The following ALPK1 variants were observed in gnomAD, a reference collection of about 807,000 sequenced individuals.
ALPK1 encodes alpha kinase 1, also known as alpha-protein kinase 1.
ALPK1 carries 110 observed loss-of-function variants against 120.6 expected under a neutral mutation model. The ratio of observed to expected loss-of-function variants is 0.91; its 90% confidence interval spans 0.78 to 1.07. The LOEUF is 1.07. Ranked by LOEUF, ALPK1 falls within the 50% of genes least tolerant of loss-of-function variation. ALPK1 has a pLI of 0.00. For missense variants in ALPK1, 1,498 were observed against 1,483.9 expected, an observed-to-expected ratio of 1.01 and a Z score of -0.16; for synonymous variants, 582 against 560.3, an observed-to-expected ratio of 1.04 and a Z score of -0.55.
In ALPK1 at chr4:112,431,110, C is replaced by G. The variant is rs556970302; in HGVS notation, c.1563C>G (p.Ser521=). Residue 521 remains serine, a synonymous_variant, in exon 11 of 16, where the codon TCC becomes TCG. Coordinates refer to ENST00000650871, the MANE Select transcript of ALPK1 (RefSeq NM_025144.4). ...HCQRDTGISS[S]LMGKNVQREL... is the part of the protein sequence containing the mutation. ...AAAGAGACACAGGAATATCTTCCTC[C>G]CTAATGGGTAAGAATGTTCAGAGGG... The G allele has an allele frequency of 2.3e-5, 37 of 1,614,120 alleles. No homozygotes were observed. In the South Asian group the frequency reaches 3.7e-4, roughly 16 times the overall value.
At chr4:112,339,341 A>G (rs969561865) in intron 2 of ALPK1, among the ~76,000 whole-genome samples, 3 of 152,254 alleles carry the variant, frequency 2.0e-5, no homozygotes, top group African/African-American at 7.2e-5. Context: ...TTGCTTTGAT[A>G]TCATAGGACA....
intron 10 of ALPK1, 108 bp downstream of exon 10, chr4:112,429,361 C>T: frequency 1.2e-6 from 1 of 852,920 alleles, no homozygotes; most frequent in Non-Finnish European, 1.8e-6. Flanking sequence ...GGCTTTGTGT[C>T]TCATCAGTGG....
intron 2 of ALPK1, among the ~76,000 whole-genome samples, chr4:112,334,127 T>G (rs957343207): frequency 1.3e-5 from 2 of 152,032 alleles, no homozygotes; most frequent in African/African-American, 4.8e-5. Flanking sequence ...TATCACAAAT[T>G]TCCTGAAGAA....
chr4:112,440,036 A>G (rs1324990837), intron 14 of ALPK1, among the ~76,000 whole-genome samples, 164 bp downstream of exon 14: 1 of 152,232 alleles, frequency 6.6e-6, no homozygotes, highest in African/African-American at 2.4e-5. Context: ...TTCCTGAAAG[A>G]AAAATATGCC....
intron 1 of ALPK1, among the ~76,000 whole-genome samples, chr4:112,299,035 G>A (rs1191985735): frequency 6.6e-6 from 1 of 152,056 alleles, no homozygotes; most frequent in Non-Finnish European, 1.5e-5. Flanking sequence ...AACTCTTAAA[G>A]GAATGAGCAT....
intron 2 of ALPK1, among the ~76,000 whole-genome samples, chr4:112,372,190 A>G (rs1731442048): frequency 6.6e-6 from 1 of 151,486 alleles, no homozygotes; most frequent in Non-Finnish European, 1.5e-5. Flanking sequence ...ATTTGTCAAT[A>G]TAAAGAAAAC....
At chr4:112,359,199 G>C in intron 2 of ALPK1, 1 of 599,944 alleles carries the variant, frequency 1.7e-6, no homozygotes, top group Non-Finnish European at 3.0e-6. Flanking sequence ...CCCCACAGGA[G>C]ACCCTGGCAG....
intron 4 of ALPK1, among the ~76,000 whole-genome samples, chr4:112,386,332 G>A (rs554614053): frequency 1.8e-4 from 28 of 152,202 alleles, no homozygotes; most frequent in African/African-American, 5.1e-4. Context: ...GAGTTTGTCC[G>A]CGCTCTCCCA....
chr4:112,388,496 C>T (rs1359141480), intron 4 of ALPK1, among the ~76,000 whole-genome samples: 13 of 152,036 alleles, frequency 8.6e-5, no homozygotes, highest in Admixed American at 2.6e-4. Context: ...TTCCAGGTGC[C>T]GGTTTTTATA....
In ALPK1 at chr4:112,431,479, G is replaced by C. The variant is rs539024433; in HGVS notation, c.1932G>C (p.Gln644His). The change falls in exon 11 of 16, where the codon CAG becomes CAC. Residue 644 changes from glutamine to histidine, a missense_variant. Coordinates refer to ENST00000650871, the MANE Select transcript of ALPK1 (RefSeq NM_025144.4). ...EGRAMHSLHS[Q>H]LHDLSLQEPN... ...GAGCTATGCATTCATTGCATTCACA[G>C]CTTCATGATCTCTCTCTTCAGGAAC... 5 of 1,614,198 alleles carry C rather than the reference G, an allele frequency of 3.1e-6. No individual in the cohort carries two copies. In the South Asian group the frequency reaches 5.5e-5, roughly 18 times the overall value.
chr4:112,341,958 A>G (rs1439307636), intron 2 of ALPK1, among the ~76,000 whole-genome samples: 1 of 152,220 alleles, frequency 6.6e-6, no homozygotes, highest in Non-Finnish European at 1.5e-5. Flanking sequence ...CTGTGGAGAA[A>G]GAGCAAGAGA....
Position 112,442,578 on chromosome 4 carries a change from A to T in ALPK1, c.*1368A>T, listed in dbSNP as rs1371933350. On this transcript the variant is annotated 3_prime_UTR_variant, in exon 16 of 16. Transcript: ENST00000650871. ...ACAAACCCCCATGACACAAACCTGC[A>T]CATGTACCCCTGAACTTAAAATAAA... The T allele has an allele frequency of 6.6e-6, 1 of 152,018 alleles. No homozygotes were observed. Among genetic ancestry groups the T allele is most frequent in the African/African-American group, 2.4e-5 (1 of 41,374 alleles). 9.4% of individuals were successfully genotyped at this position (152,018 alleles called of 1,614,324 possible). A position where few individuals can be genotyped will look rare whatever the true frequency, so the allele number is the denominator to read the frequency against.
At chr4:112,319,945 T>C (rs1201698637) in intron 2 of ALPK1, among the ~76,000 whole-genome samples, 2 of 152,224 alleles carry the variant, frequency 1.3e-5, no homozygotes, top group African/African-American at 4.8e-5. Flanking sequence ...GCTTTTTGGA[T>C]GAGTCCTTAG....
rs888012804 is a variant in ALPK1 at position 112,427,646 on chromosome 4, A to G, written c.776A>G (p.Asn259Ser). The part of the protein sequence containing the change: ...MSKNDYEKFK[N>S]NPQINLSLLK... ...AAGAACGATTATGAAAAGTTTAAAA[A>G]CAATCCACAAATTAATTTGGTAATT... is the stretch of plus-strand genomic sequence containing the variant. The change falls in exon 9 of 16, where the codon AAC becomes AGC. Residue 259 changes from asparagine (N) to serine (S), a missense_variant. Coordinates refer to ENST00000650871, the MANE Select transcript of ALPK1 (RefSeq NM_025144.4). 2 of 1,612,902 alleles carry G rather than the reference A, an allele frequency of 1.2e-6. No individual in the cohort carries two copies. Among genetic ancestry groups the G allele is most frequent in the Non-Finnish European group, 1.7e-6 (2 of 1,178,906 alleles).
Position 112,431,583 on chromosome 4 carries a change from C to T in ALPK1, c.2036C>T (p.Thr679Ile), listed in dbSNP as rs368719469. 1 of 1,614,180 alleles carries T rather than the reference C, an allele frequency of 6.2e-7. No homozygotes were observed. Among genetic ancestry groups the T allele is most frequent in the Non-Finnish European group, 8.5e-7 (1 of 1,180,028 alleles). ...TTGACACCCTTCTCGCCTCATAATA[C>T]CCCAGGCATTTTCTTGGCCCCTGGT... The part of the protein sequence containing the change: ...MPLTPFSPHN[T>I]PGIFLAPGAG... Residue 679 changes from threonine (T) to isoleucine (I), a missense_variant, in exon 11 of 16, where the codon ACC becomes ATC. By Grantham distance (89) the Thr-to-Ile change is moderately conservative (BLOSUM62 -1). Coordinates refer to ENST00000650871, the MANE Select transcript of ALPK1 (RefSeq NM_025144.4).
intron 5 of ALPK1, 61 bp downstream of exon 5, chr4:112,412,086 C>G (rs752055236): frequency 1.9e-6 from 3 of 1,595,120 alleles, no homozygotes; most frequent in Non-Finnish European, 1.7e-6. Context: ...CCTTCCCTCC[C>G]GAGCTACTTG....
chr4:112,333,517 T>C lies in ALPK1; in HGVS notation c.-101+17665T>C, dbSNP rs115209404. On this transcript the variant is annotated intron_variant, in intron 2 of 15. Transcript: ENST00000650871. Reference sequence around the variant, plus strand: ...CCACATTATACTAATTTCTAACAGCTTGACTTCCTTTAGTGTAGGCCACCA... The same window carrying C: ...CCACATTATACTAATTTCTAACAGCCTGACTTCCTTTAGTGTAGGCCACCA... Among the ~76,000 whole-genome samples, 1,077 of 152,282 alleles carry C rather than the reference T, an allele frequency of 7.1e-3. 12 individuals are homozygous for C. Among genetic ancestry groups the C allele is most frequent in the African/African-American group, 0.024 (1,000 of 41,552 alleles).
At chr4:112,398,615 TA>T (rs762103086) in intron 4 of ALPK1, among the ~76,000 whole-genome samples, 2 of 152,200 alleles carry the variant, frequency 1.3e-5, no homozygotes, top group Non-Finnish European at 2.9e-5. Flanking sequence ...AATTTTATTT[TA>T]AATGTGATGA....
intron 6 of ALPK1, 120 bp downstream of exon 6, chr4:112,424,123 G>T: frequency 1.1e-6 from 1 of 888,844 alleles, no homozygotes; most frequent in South Asian, 1.8e-5. Flanking sequence ...GCTATCTGGG[G>T]CTGGCTCTGC....
Sources: allele counts gnomAD v4.1 joint callset (sites outside exome capture counted in the v4.1 genomes callset), GRCh38; gene constraint gnomAD v4.1.1; transcripts MANE v1.5; gene names NCBI Gene and HGNC (gene_info 2026-07-23, HGNC 2026-07-21).